Variants in KLHDC7A observed in about 807,000 individuals in gnomAD.
The protein encoded by KLHDC7A is kelch domain-containing protein 7A.
For missense variants in KLHDC7A, 1,123 were observed against 1,052.6 expected, an observed-to-expected ratio of 1.07 and a Z score of -0.93; for synonymous variants, 464 against 461.0, an observed-to-expected ratio of 1.01 and a Z score of -0.08.
chr1:18,482,450 G>A lies in KLHDC7A; in HGVS notation c.1469G>A (p.Gly490Asp). The change falls in exon 1 of 1, where the codon GGC becomes GAC. Residue 490 changes from glycine to aspartate, a missense_variant. By Grantham distance (94) the Gly-to-Asp change is moderately conservative (BLOSUM62 -1). Transcript: ENST00000400664. ...RELILQRRLR[G>D]RQYLVVADVC... Reference sequence around the variant, plus strand: ...CTGATCCTGCAGCGCCGGCTCCGGGGCCGCCAGTACCTGGTGGTGGCTGAC... The same window carrying A: ...CTGATCCTGCAGCGCCGGCTCCGGGACCGCCAGTACCTGGTGGTGGCTGAC... The A allele has an allele frequency of 6.2e-7, 1 of 1,610,444 alleles. No homozygotes were observed. Among genetic ancestry groups the A allele is most frequent in the Non-Finnish European group, 8.5e-7 (1 of 1,179,824 alleles).
Position 18,481,692 on chromosome 1 carries a change from G to T in KLHDC7A, c.711G>T (p.Gly237=). 1 of 1,614,108 alleles carries T rather than the reference G, an allele frequency of 6.2e-7. No individual in the cohort carries two copies. Among genetic ancestry groups the T allele is most frequent in the Admixed American group, 1.7e-5 (1 of 60,036 alleles). The change falls in exon 1 of 1, where the codon GGG becomes GGT. Residue 237 remains glycine (G), a synonymous_variant. Coordinates refer to ENST00000400664, the MANE Select transcript of KLHDC7A (RefSeq NM_152375.3). ...RVIGVSREEA[G]ALEAASDVDL... is the part of the protein sequence containing the mutation. ...TAGGGGTCAGCAGAGAAGAGGCTGG[G>T]GCTCTCGAGGCTGCCTCCGATGTTG...
At position 18,481,825 on chromosome 1, in the gene KLHDC7A, G is replaced by A. The variant is rs771095336; in HGVS notation, c.844G>A (p.Glu282Lys). 2 of 1,614,110 alleles carry A rather than the reference G, an allele frequency of 1.2e-6. No individual in the cohort carries two copies. Among genetic ancestry groups the A allele is most frequent in the Non-Finnish European group, 1.7e-6 (2 of 1,180,006 alleles). Reference protein sequence around the residue: ...EHFIQKAEGVEPRLKGKVYDY... With the variant: ...EHFIQKAEGVKPRLKGKVYDY... The stretch of plus-strand genomic sequence containing the variant: ...TTTCATACAGAAGGCGGAGGGGGTT[G>A]AGCCCCGGCTCAAGGGCAAGGTGTA... Residue 282 changes from glutamate (E) to lysine (K), a missense_variant, in exon 1 of 1, where the codon GAG becomes AAG. By Grantham distance (56) the Glu-to-Lys change is moderately conservative. Coordinates refer to ENST00000400664, the MANE Select transcript of KLHDC7A (RefSeq NM_152375.3).
At position 18,481,234 on chromosome 1, in the gene KLHDC7A, A is replaced by G. The variant is rs1356586070; in HGVS notation, c.253A>G (p.Ser85Gly). ...CCTGAGGGGGCCAAGACGTCGGAGG[A>G]GCAGCAAGCGGGCTGAAGCACCACA... ...VLLRGPRRRR[S>G]SKRAEAPQGC... Residue 85 changes from serine (S) to glycine (G), a missense_variant, in exon 1 of 1, where the codon AGC becomes GGC. Coordinates refer to ENST00000400664, the MANE Select transcript of KLHDC7A (RefSeq NM_152375.3). The G allele has an allele frequency of 3.2e-6, 5 of 1,585,936 alleles. No individual in the cohort carries two copies. Among genetic ancestry groups the G allele is most frequent in the Non-Finnish European group, 4.3e-6 (5 of 1,165,758 alleles).
rs2086902993 is a variant in KLHDC7A, at chr1:18,482,543, T to C, written c.1562T>C (p.Leu521Pro). The C allele has an allele frequency of 2.5e-6, 4 of 1,611,986 alleles. No individual in the cohort carries two copies. The highest frequency in any genetic ancestry group is 3.4e-6 in the Non-Finnish European group (4 of 1,179,922). The stretch of plus-strand genomic sequence containing the variant: ...GATGAGCAGGATGTCTGGCGCCCGC[T>C]GGCTCGCATGCCCCCCGAGGCCGTG... ...YDDEQDVWRP[L>P]ARMPPEAVSR... is the part of the protein sequence containing the mutation. Residue 521 changes from leucine to proline, a missense_variant, in exon 1 of 1, where the codon CTG (leucine) becomes CCG (proline). Physicochemically the swap from Leu to Pro is moderately conservative, Grantham distance 98. Coordinates refer to ENST00000400664, the MANE Select transcript of KLHDC7A (RefSeq NM_152375.3).
rs111252931 is a variant in KLHDC7A at position 18,482,187 on chromosome 1, C to A, written c.1206C>A (p.Ser402Arg). ...CCCTGCCTGGCTTAGGCAGAAGCAGCCGGGAGCCCCATGTGCAGCCGGTGG... is the reference window on the plus strand; with the variant it reads ...CCCTGCCTGGCTTAGGCAGAAGCAGACGGGAGCCCCATGTGCAGCCGGTGG... ...PGALPGLGRS[S>R]REPHVQPVAG... Residue 402 changes from serine (S) to arginine (R), a missense_variant, in exon 1 of 1, where the codon AGC becomes AGA. Physicochemically the swap from Ser to Arg is moderately radical, Grantham distance 110. Coordinates refer to ENST00000400664, the MANE Select transcript of KLHDC7A (RefSeq NM_152375.3). 2.8e-5 allele frequency: 45 copies of A among 1,611,114 alleles called. No homozygotes were observed. In the African/African-American group the frequency reaches 3.7e-4, roughly 13 times the overall value.
rs1183692921 is a variant in KLHDC7A at position 18,481,887 on chromosome 1, C to T, written c.906C>T (p.Phe302=). 1 of 1,613,508 alleles carries T rather than the reference C, an allele frequency of 6.2e-7. No homozygotes were observed. The highest frequency in any genetic ancestry group is 8.5e-7 in the Non-Finnish European group (1 of 1,179,816). The change falls in exon 1 of 1, where the codon TTC becomes TTT. Residue 302 remains phenylalanine (F), a synonymous_variant. Transcript: ENST00000400664. The part of the protein sequence containing the change: ...YYVESTSQAI[F]QGRLAPRTAA... Reference sequence around the variant, plus strand: ...TGGAATCTACCTCTCAGGCCATCTTCCAGGGCAGGCTGGCTCCCAGGACAG... The same window carrying T: ...TGGAATCTACCTCTCAGGCCATCTTTCAGGGCAGGCTGGCTCCCAGGACAG...
Position 18,484,408 on chromosome 1 carries a change from G to A in KLHDC7A, c.*1093G>A, listed in dbSNP as rs191506450. 1.5e-4 allele frequency: 37 copies of A among 246,762 alleles called. No homozygotes were observed. Among genetic ancestry groups the A allele is most frequent in the African/African-American group, 8.1e-4 (36 of 44,184 alleles). The allele number at this position is 246,762 out of a possible 1,614,324, so 15.3% of individuals were successfully genotyped here. A position where few individuals can be genotyped will look rare whatever the true frequency, so the allele number is the denominator to read the frequency against. On this transcript the variant is annotated 3_prime_UTR_variant, in exon 1 of 1. Transcript: ENST00000400664. The stretch of plus-strand genomic sequence containing the variant: ...GCACCTGTCCTTCCAGGAGGGACGG[G>A]AGAGAGCCTGACCCAGTGTATTACC...
In KLHDC7A at chr1:18,482,700, C is replaced by A. The variant is rs1161804774; in HGVS notation, c.1719C>A (p.Cys573Ter). ...TCACGGGGATCTGGAGCGAGGTGTGCCCGCTGAACCAGGCCCGGCCGCACT... is the reference window on the plus strand; with the variant it reads ...TCACGGGGATCTGGAGCGAGGTGTGACCGCTGAACCAGGCCCGGCCGCACT... ...NPLTGIWSEV[C>*]PLNQARPHCR... The change falls in exon 1 of 1, where the codon TGC becomes TGA. Residue 573 changes from cysteine (C) to a stop codon, truncating the protein, a stop_gained. Transcript: ENST00000400664. LOFTEE classifies it low-confidence loss of function (END_TRUNC). The A allele has an allele frequency of 1.2e-6, 2 of 1,609,402 alleles. No homozygotes were observed. Among genetic ancestry groups the A allele is most frequent in the Non-Finnish European group, 1.7e-6 (2 of 1,179,192 alleles).
chr1:18,483,567 T>G lies in KLHDC7A; in HGVS notation c.*252T>G. The G allele has an allele frequency of 7.1e-7, 1 of 1,399,470 alleles. No individual in the cohort carries two copies. Among genetic ancestry groups the G allele is most frequent in the Non-Finnish European group, 9.3e-7 (1 of 1,069,552 alleles). 86.7% of individuals were successfully genotyped at this position (1,399,470 alleles called of 1,614,324 possible). A position where few individuals can be genotyped will look rare whatever the true frequency, so the allele number is the denominator to read the frequency against. On this transcript the variant is annotated 3_prime_UTR_variant, in exon 1 of 1. Coordinates refer to ENST00000400664, the MANE Select transcript of KLHDC7A (RefSeq NM_152375.3). ...GGTGTTCCAAGGCAGAAGGCATTCA[T>G]GTCTTCAGGGATGACCGCCCTTGCT... is the stretch of plus-strand genomic sequence containing the variant.
Position 18,481,426 on chromosome 1 carries a change from G to C in KLHDC7A, c.445G>C (p.Val149Leu). The C allele has an allele frequency of 6.2e-7, 1 of 1,613,894 alleles. No individual in the cohort carries two copies. Among genetic ancestry groups the C allele is most frequent in the Non-Finnish European group, 8.5e-7 (1 of 1,180,016 alleles). ...CCCCAGCCAGGAAACCAGAACAGCT[G>C]TTGGCAGTAACCCTGACCCTCCCCA... ...CCPSQETRTAVGSNPDPPHFP... is the reference protein window; with the variant it reads ...CCPSQETRTALGSNPDPPHFP... The change falls in exon 1 of 1, where the codon GTT becomes CTT. Residue 149 changes from valine to leucine, a missense_variant. Transcript: ENST00000400664.
At position 18,482,618 on chromosome 1, in the gene KLHDC7A, C is replaced by A. The variant is rs1292626985; in HGVS notation, c.1637C>A (p.Ser546Tyr). 6.2e-7 allele frequency: 1 copy of A among 1,609,750 alleles called. No individual in the cohort carries two copies. Among genetic ancestry groups the A allele is most frequent in the South Asian group, 1.1e-5 (1 of 90,988 alleles). The change falls in exon 1 of 1, where the codon TCC (serine) becomes TAC (tyrosine). Residue 546 changes from serine (S) to tyrosine (Y), a missense_variant. By Grantham distance (144) the Ser-to-Tyr change is moderately radical. Coordinates refer to ENST00000400664, the MANE Select transcript of KLHDC7A (RefSeq NM_152375.3). ...CSLFNYLFVV[S>Y]GCQGPGHQPS... ...CTCTTCAATTATCTCTTCGTGGTGT[C>A]CGGCTGCCAGGGGCCCGGGCACCAG...
In KLHDC7A at chr1:18,481,923, T is replaced by C; in HGVS notation, c.942T>C (p.Thr314=). 6.2e-7 allele frequency: 1 copy of C among 1,613,380 alleles called. No individual in the cohort carries two copies. Among genetic ancestry groups the C allele is most frequent in the Admixed American group, 1.7e-5 (1 of 60,018 alleles). The part of the protein sequence containing the change: ...GRLAPRTAAL[T]EVPSPRPPPG... ...TGGCTCCCAGGACAGCAGCCCTGAC[T>C]GAGGTTCCATCCCCTAGGCCACCGC... Residue 314 remains threonine (T), a synonymous_variant, in exon 1 of 1, where the codon ACT becomes ACC. Coordinates refer to ENST00000400664, the MANE Select transcript of KLHDC7A (RefSeq NM_152375.3).
In KLHDC7A at chr1:18,484,166, G is replaced by C; in HGVS notation, c.*851G>C. 3 of 667,346 alleles carry C rather than the reference G, an allele frequency of 4.5e-6. No individual in the cohort carries two copies. Among genetic ancestry groups the C allele is most frequent in the Non-Finnish European group, 7.2e-6 (3 of 419,242 alleles). 41.3% of individuals were successfully genotyped at this position (667,346 alleles called of 1,614,324 possible). On this transcript the variant is annotated 3_prime_UTR_variant, in exon 1 of 1. Coordinates refer to ENST00000400664, the MANE Select transcript of KLHDC7A (RefSeq NM_152375.3). ...AGATCTGTAGCCGTCTTCCTGTCTG[G>C]AAGCTGGGGCAACCACCACCAGTCA...
chr1:18,481,306 G>T lies in KLHDC7A; in HGVS notation c.325G>T (p.Gly109Trp), dbSNP rs1253054860. 6.3e-7 allele frequency: 1 copy of T among 1,585,882 alleles called. No individual in the cohort carries two copies. Among genetic ancestry groups the T allele is most frequent in the East Asian group, 2.2e-5 (1 of 44,722 alleles). The change falls in exon 1 of 1, where the codon GGG becomes TGG. Residue 109 changes from glycine to tryptophan, a missense_variant. By Grantham distance (184) the Gly-to-Trp change is radical. Coordinates refer to ENST00000400664, the MANE Select transcript of KLHDC7A (RefSeq NM_152375.3). ...AAGAGGCCCCTATGTCCTGGTCACGGGGGCCACTTCCACAGACAGGAAGCC... is the reference window on the plus strand; with the variant it reads ...AAGAGGCCCCTATGTCCTGGTCACGTGGGCCACTTCCACAGACAGGAAGCC... ...NPRGPYVLVT[G>W]ATSTDRKPQR... is the part of the protein sequence containing the mutation.
chr1:18,482,335 G>C lies in KLHDC7A; in HGVS notation c.1354G>C (p.Glu452Gln), dbSNP rs1362099506. 2.5e-6 allele frequency: 4 copies of C among 1,602,154 alleles called. No homozygotes were observed. The highest frequency in any genetic ancestry group is 1.1e-5 in the South Asian group (1 of 91,094). Residue 452 changes from glutamate to glutamine, a missense_variant, in exon 1 of 1, where the codon GAG (glutamate) becomes CAG (glutamine). Transcript: ENST00000400664. ...GAGGCAGAACCTGGAGGCCCTGAAA[G>C]AGGCGGCCTACAAGGTGATGAGCGA... ...AKRQNLEALKEAAYKVMSENY... is the reference protein window; with the variant it reads ...AKRQNLEALKQAAYKVMSENY...
chr1:18,480,931 A>G lies in KLHDC7A; in HGVS notation c.-51A>G, dbSNP rs538265264. The G allele has an allele frequency of 6.7e-7, 1 of 1,482,896 alleles. No homozygotes were observed. Among genetic ancestry groups the G allele is most frequent in the African/African-American group, 1.4e-5 (1 of 71,114 alleles). The allele number at this position is 1,482,896 out of a possible 1,614,324, so 91.9% of individuals were successfully genotyped here. On this transcript the variant is annotated 5_prime_UTR_variant, in exon 1 of 1. Coordinates refer to ENST00000400664, the MANE Select transcript of KLHDC7A (RefSeq NM_152375.3). The stretch of plus-strand genomic sequence containing the variant: ...CCCAGGAACTGGTCCCTACTGGGCA[A>G]TTATTAATCAGATTCTTGACATTCC...
Position 18,481,177 on chromosome 1 carries a change from C to A in KLHDC7A, c.196C>A (p.Pro66Thr). The change falls in exon 1 of 1, where the codon CCT becomes ACT. Residue 66 changes from proline to threonine, a missense_variant. Pro to Thr is a conservative substitution (Grantham distance 38). Coordinates refer to ENST00000400664, the MANE Select transcript of KLHDC7A (RefSeq NM_152375.3). ...GGAGGAAGCAGAGGGCTCAGGGCAGCCTGCTGTACAGGAGGCTTCTCCTGG... is the reference window on the plus strand; with the variant it reads ...GGAGGAAGCAGAGGGCTCAGGGCAGACTGCTGTACAGGAGGCTTCTCCTGG... ...AKEEAEGSGQPAVQEASPGVL... is the reference protein window; with the variant it reads ...AKEEAEGSGQTAVQEASPGVL... 1 of 1,608,102 alleles carries A rather than the reference C, an allele frequency of 6.2e-7. No individual in the cohort carries two copies. The highest frequency in any genetic ancestry group is 1.3e-5 in the African/African-American group (1 of 74,892).
In KLHDC7A at chr1:18,481,865, A is replaced by C. The variant is rs1230790595; in HGVS notation, c.884A>C (p.Glu295Ala). Residue 295 changes from glutamate to alanine, a missense_variant, in exon 1 of 1, where the codon GAA becomes GCA. Coordinates refer to ENST00000400664, the MANE Select transcript of KLHDC7A (RefSeq NM_152375.3). ...GGCAAGGTGTACGACTACTATGTGG[A>C]ATCTACCTCTCAGGCCATCTTCCAG... ...LKGKVYDYYV[E>A]STSQAIFQGR... 1.9e-6 allele frequency: 3 copies of C among 1,613,874 alleles called. No homozygotes were observed. Among genetic ancestry groups the C allele is most frequent in the Non-Finnish European group, 2.5e-6 (3 of 1,179,914 alleles).
chr1:18,481,319 C>G lies in KLHDC7A; in HGVS notation c.338C>G (p.Thr113Arg), dbSNP rs200522682. The G allele has an allele frequency of 3.9e-4, 627 of 1,588,284 alleles. 2 individuals carry two copies. Among genetic ancestry groups the G allele is most frequent in the Admixed American group, 1.4e-4 (8 of 57,750 alleles). Residue 113 changes from threonine (T) to arginine (R), a missense_variant, in exon 1 of 1, where the codon ACA (threonine) becomes AGA (arginine). Transcript: ENST00000400664. ...PYVLVTGATS[T>R]DRKPQRKGSG... ...GTCCTGGTCACGGGGGCCACTTCCA[C>G]AGACAGGAAGCCCCAGAGAAAAGGC... is the stretch of plus-strand genomic sequence containing the variant.
Sources: gnomAD v4.1 joint callset for allele counts on GRCh38, gnomAD v4.1.1 for gene constraint, MANE v1.5 for transcripts, NCBI Gene and HGNC (gene_info 2026-07-23, HGNC 2026-07-21) for gene names.